The following RUNX1 variants were observed in gnomAD, a reference collection of about 807,000 sequenced individuals.
RUNX1 encodes runt-related transcription factor 1.
A neutral mutation model predicts 42.8 loss-of-function variants in RUNX1; 19 were observed. That is an observed-to-expected ratio of 0.44 (90% CI 0.31 to 0.65). The LOEUF is 0.65. Among genes scored for constraint, RUNX1 ranks in the 30% least tolerant of loss-of-function variants. The pLI is 0.07. For synonymous variants in RUNX1, 271 were observed against 289.4 expected (o/e 0.94, Z 0.64); for missense variants, 528 against 672.0 (o/e 0.79, Z 2.37).
chr21:34,928,966 G>A (rs998890224), intron 2 of RUNX1, among the ~76,000 whole-genome samples: 1 of 148,592 alleles, frequency 6.7e-6, no homozygotes, highest in African/African-American at 2.5e-5. Context: ...TTTTTTGGGG[G>A]GGGGGGTAGA....
At chr21:34,837,960 G>A (rs2057173319) in intron 6 of RUNX1, among the ~76,000 whole-genome samples, 1 of 151,972 alleles carries the variant, frequency 6.6e-6, no homozygotes. Context: ...TGTATGCAGA[G>A]TCATAAAAAT....
chr21:34,973,699 A>C (rs113724855), intron 2 of RUNX1, among the ~76,000 whole-genome samples: 3,829 of 152,294 alleles, frequency 0.025, 158 homozygotes, highest in African/African-American at 0.087. Context: ...GTTTGGAGAC[A>C]CTTTATATTA....
intron 2 of RUNX1, among the ~76,000 whole-genome samples, chr21:34,893,447 C>G (rs1302982025): frequency 6.6e-6 from 1 of 152,100 alleles, no homozygotes; most frequent in Non-Finnish European, 1.5e-5. Context: ...TTATTTACAT[C>G]GAAACCTCTC....
chr21:34,853,560 G>A (rs1277009685), intron 6 of RUNX1, among the ~76,000 whole-genome samples: 1 of 152,086 alleles, frequency 6.6e-6, no homozygotes, highest in East Asian at 1.9e-4. Flanking sequence ...CAAGGTATAC[G>A]ATTTATTTTT....
chr21:34,869,856 G>A (rs1180176465), intron 5 of RUNX1, among the ~76,000 whole-genome samples: 1 of 152,144 alleles, frequency 6.6e-6, no homozygotes, highest in African/African-American at 2.4e-5. Flanking sequence ...GGATTATTCT[G>A]CTTCATTATT....
chr21:34,853,839 G>A (rs962736270), intron 6 of RUNX1, among the ~76,000 whole-genome samples: 3 of 147,190 alleles, frequency 2.0e-5, no homozygotes, highest in Admixed American at 6.8e-5. Context: ...TTGAGACAAG[G>A]TCTCACTCTG....
intron 2 of RUNX1, among the ~76,000 whole-genome samples, chr21:34,998,573 G>C (rs1044130751): frequency 9.2e-5 from 14 of 151,744 alleles, no homozygotes; most frequent in African/African-American, 2.7e-4. Flanking sequence ...ATGGAGTCTT[G>C]CTCTGTCACC....
intron 2 of RUNX1, among the ~76,000 whole-genome samples, chr21:35,000,892 G>C (rs2059037103): frequency 6.6e-6 from 1 of 152,198 alleles, no homozygotes; most frequent in African/African-American, 2.4e-5. Context: ...ACTTCTTCTG[G>C]TGCCAGGCTG....
chr21:34,960,449 C>T (rs1177700998), intron 2 of RUNX1, among the ~76,000 whole-genome samples: 2 of 152,200 alleles, frequency 1.3e-5, no homozygotes, highest in Non-Finnish European at 2.9e-5. Context: ...ATGGAAGAAG[C>T]TTGGGTCACT....
intron 3 of RUNX1, among the ~76,000 whole-genome samples, chr21:34,890,338 A>G (rs903715828): frequency 1.2e-4 from 19 of 152,094 alleles, no homozygotes; most frequent in Non-Finnish European, 2.2e-4. Flanking sequence ...GCGTTCGAGG[A>G]TAAAAGACAG....
At chr21:34,902,179 CT>C (rs2058182642) in intron 2 of RUNX1, among the ~76,000 whole-genome samples, 1 of 152,206 alleles carries the variant, frequency 6.6e-6, no homozygotes, top group Non-Finnish European at 1.5e-5. Context: ...ATAATTTACT[CT>C]TTCACTAGGA....
At chr21:34,799,022 T>A (rs1476845958) in intron 8 of RUNX1, among the ~76,000 whole-genome samples, 1 of 152,210 alleles carries the variant, frequency 6.6e-6, no homozygotes, top group African/African-American at 2.4e-5. Context: ...TTTATATTGT[T>A]CTTAACCCTT....
intron 2 of RUNX1, among the ~76,000 whole-genome samples, chr21:34,999,781 G>A (rs551849741): frequency 6.6e-6 from 1 of 152,308 alleles, no homozygotes; most frequent in East Asian, 1.9e-4. Context: ...GCACAAGACG[G>A]TGTAAATCCT....
chr21:35,030,930 A>G (rs180924840), intron 2 of RUNX1, among the ~76,000 whole-genome samples: 200 of 152,344 alleles, frequency 1.3e-3, no homozygotes, highest in Non-Finnish European at 1.9e-3. Flanking sequence ...TGAAAAAAAC[A>G]TTTCTCAGAA....
intron 8 of RUNX1, among the ~76,000 whole-genome samples, chr21:34,796,429 A>G (rs1017782660): frequency 3.3e-5 from 5 of 152,100 alleles, no homozygotes; most frequent in Non-Finnish European, 7.3e-5. Context: ...CAGTTCACCC[A>G]TCCAGCTGTA....
intron 2 of RUNX1, among the ~76,000 whole-genome samples, chr21:34,991,396 C>T (rs936062542): frequency 3.9e-5 from 6 of 152,218 alleles, no homozygotes; most frequent in African/African-American, 4.8e-5. Context: ...AGTCTGTTCC[C>T]TTCTGTGTCA....
intron 2 of RUNX1, among the ~76,000 whole-genome samples, chr21:35,040,812 C>G (rs938747137): frequency 2.0e-5 from 3 of 150,926 alleles, no homozygotes; most frequent in Non-Finnish European, 4.4e-5. Context: ...CAAAAACTCA[C>G]CCACAATGGA....
At chr21:34,816,318 C>T (rs998734546) in intron 7 of RUNX1, among the ~76,000 whole-genome samples, 2 of 152,050 alleles carry the variant, frequency 1.3e-5, no homozygotes, top group Admixed American at 6.6e-5. Context: ...TTCCTGCCCA[C>T]CTGGAAGTCT....
chr21:34,820,874 G>A (rs1043041465), intron 7 of RUNX1, among the ~76,000 whole-genome samples: 1 of 152,170 alleles, frequency 6.6e-6, no homozygotes, highest in South Asian at 2.1e-4. Context: ...ACCCGAACCA[G>A]CCAATGGGAA....
Sources: allele counts gnomAD v4.1 joint callset (sites outside exome capture counted in the v4.1 genomes callset), GRCh38; gene constraint gnomAD v4.1.1; transcripts MANE v1.5; gene names NCBI Gene and HGNC (gene_info 2026-07-23, HGNC 2026-07-21).